Variants in TMEM219 observed in about 807,000 individuals in gnomAD.
The protein encoded by TMEM219 is transmembrane protein 219, also known as insulin-like growth factor-binding protein 3 receptor.
Under a neutral mutation model 17.9 loss-of-function variants are expected in TMEM219, and 18 were observed. That is an observed-to-expected ratio of 1.01 (90% CI 0.70 to 1.49). The LOEUF (loss-of-function observed/expected upper bound fraction) is 1.49. TMEM219 is among the 40% of genes most tolerant of loss of function. The pLI, the probability that TMEM219 is intolerant of heterozygous loss-of-function variation, is 0.00. For missense variants in TMEM219, 288 were observed against 292.4 expected, an observed-to-expected ratio of 0.99 and a Z score of 0.11; for synonymous variants, 113 against 124.0, an observed-to-expected ratio of 0.91 and a Z score of 0.59.
chr16:29,971,373 T>A, intron 4 of TMEM219, 35 bp from the exon 5 acceptor site: 1 of 1,613,452 alleles, frequency 6.2e-7, no homozygotes, highest in Non-Finnish European at 8.5e-7. Context: ...TGGATTAACA[T>A]GTCCTCCTCC....
intron 3 of TMEM219, among the ~76,000 whole-genome samples, chr16:29,966,911 C>T (rs1331793475): frequency 6.6e-6 from 1 of 151,818 alleles, no homozygotes; most frequent in Non-Finnish European, 1.5e-5. Context: ...TTTAATACAT[C>T]TGAACTTTAT....
chr16:29,963,865 A>G (rs192450438), intron 3 of TMEM219, among the ~76,000 whole-genome samples: 1 of 138,116 alleles, frequency 7.2e-6, no homozygotes, highest in Non-Finnish European at 1.5e-5. Context: ...CCTGGGTGAC[A>G]GAGCAAGACT....
intron 3 of TMEM219, among the ~76,000 whole-genome samples, chr16:29,965,367 G>T (rs558043829): frequency 6.6e-6 from 1 of 152,170 alleles, no homozygotes; most frequent in South Asian, 2.1e-4. Context: ...CTTTTAAATA[G>T]ATATATAATA....
rs374971797 is a variant in TMEM219 at position 29,970,617 on chromosome 16, C to T, written c.586-791C>T. Among the ~76,000 whole-genome samples, 274 of 152,212 alleles carry T rather than the reference C, an allele frequency of 1.8e-3. 2 individuals are homozygous for T. Among genetic ancestry groups the T allele is most frequent in the South Asian group, 5.2e-3 (25 of 4,822 alleles). On this transcript the variant is annotated intron_variant, in intron 4 of 5. Coordinates refer to ENST00000279396, the MANE Select transcript of TMEM219 (RefSeq NM_001083613.2). Reference sequence around the variant, plus strand: ...GGGATTACAGGTGTGAGCCACCGCACCCAGCCACTTATACATCTTTAAACT... The same window carrying T: ...GGGATTACAGGTGTGAGCCACCGCATCCAGCCACTTATACATCTTTAAACT...
chr16:29,967,148 T>C (rs1014886707), intron 3 of TMEM219, among the ~76,000 whole-genome samples: 1 of 152,226 alleles, frequency 6.6e-6, no homozygotes, highest in African/African-American at 2.4e-5. Context: ...CGAGTATTAG[T>C]ATGGTTGTTG....
intron 4 of TMEM219, 181 bp downstream of exon 4, chr16:29,968,435 A>C (rs1017453649): frequency 1.8e-6 from 1 of 569,024 alleles, no homozygotes; most frequent in Non-Finnish European, 3.1e-6. Context: ...CCTCATCTGT[A>C]AAACAGAAAA....
chr16:29,972,327 A>G (rs2069306533), intron 5 of TMEM219, among the ~76,000 whole-genome samples: 1 of 152,210 alleles, frequency 6.6e-6, no homozygotes, highest in East Asian at 1.9e-4. Context: ...CAAGAACTTG[A>G]CATGCACCTT....
chr16:29,964,456 C>T (rs1179415952), intron 3 of TMEM219, among the ~76,000 whole-genome samples: 3 of 151,928 alleles, frequency 2.0e-5, no homozygotes, highest in African/African-American at 7.3e-5. Context: ...GTACTCCAGC[C>T]TGGGAGACAG....
rs1434408189 is a variant in TMEM219, at chr16:29,963,536, A to G, written c.302A>G (p.Asn101Ser). The change falls in exon 3 of 6, where the codon AAC becomes AGC. Residue 101 changes from asparagine (N) to serine (S), a missense_variant. Coordinates refer to ENST00000279396, the MANE Select transcript of TMEM219 (RefSeq NM_001083613.2). ...AACTTCGGAGACGGTCCAGACAGGA[A>G]CAAGACCCGGACATTCCAGGCCACA... Reference protein sequence around the residue: ...TLNFGDGPDRNKTRTFQATVL... With the variant: ...TLNFGDGPDRSKTRTFQATVL... The G allele has an allele frequency of 1.9e-6, 3 of 1,614,018 alleles. No homozygotes were observed. Among genetic ancestry groups the G allele is most frequent in the African/African-American group, 1.3e-5 (1 of 74,906 alleles).
chr16:29,963,586 A>G lies in TMEM219; in HGVS notation c.352A>G (p.Lys118Glu). ...ATVLGSQMGL[K>E]GSSAGQLVLI... is the part of the protein sequence containing the mutation. Reference sequence around the variant, plus strand: ...AGTCCTGGGAAGTCAGATGGGATTGAAAGGTGAGATCAGAGGCTGGGTGTG... The same window carrying G: ...AGTCCTGGGAAGTCAGATGGGATTGGAAGGTGAGATCAGAGGCTGGGTGTG... Residue 118 changes from lysine (K) to glutamate (E), a missense_variant, in exon 3 of 6, where the codon AAA (lysine) becomes GAA (glutamate). Lys to Glu is a moderately conservative substitution (Grantham distance 56). Coordinates refer to ENST00000279396, the MANE Select transcript of TMEM219 (RefSeq NM_001083613.2). The G allele has an allele frequency of 5.0e-6, 8 of 1,613,546 alleles. No individual in the cohort carries two copies. Among genetic ancestry groups the G allele is most frequent in the Non-Finnish European group, 6.8e-6 (8 of 1,179,738 alleles).
rs369362636 is a variant in TMEM219 at position 29,963,522 on chromosome 16, C to T, written c.288C>T (p.Asp96=). ...TGCTGACCACCTTGAACTTCGGAGA[C>T]GGTCCAGACAGGAACAAGACCCGGA... is the stretch of plus-strand genomic sequence containing the variant. The part of the protein sequence containing the change: ...VGLLTTLNFG[D]GPDRNKTRTF... The change falls in exon 3 of 6, where the codon GAC becomes GAT. Residue 96 remains aspartate (D), a synonymous_variant. Transcript: ENST00000279396. 4.8e-5 allele frequency: 78 copies of T among 1,614,006 alleles called. 1 individual carries two copies. Among genetic ancestry groups the T allele is most frequent in the Non-Finnish European group, 6.0e-5 (71 of 1,180,038 alleles).
intron 4 of TMEM219, 139 bp downstream of exon 4, chr16:29,968,393 A>G (rs1457820510): frequency 1.5e-6 from 1 of 645,242 alleles, no homozygotes; most frequent in Non-Finnish European, 2.7e-6. Context: ...GTGACGTAGA[A>G]CAAGTGTCTA....
At chr16:29,965,316 G>A (rs1040971872) in intron 3 of TMEM219, among the ~76,000 whole-genome samples, 2 of 152,196 alleles carry the variant, frequency 1.3e-5, no homozygotes, top group Non-Finnish European at 2.9e-5. Context: ...GAATGTGTCC[G>A]ATATATGCAG....
intron 3 of TMEM219, 134 bp from the exon 4 acceptor site, chr16:29,967,891 C>T (rs896295319): frequency 2.4e-5 from 16 of 663,100 alleles, no homozygotes; most frequent in Admixed American, 8.3e-5. Flanking sequence ...TGCGCCACTG[C>T]ACTCCAGCCT....
At chr16:29,969,272 C>G (rs1007263572) in intron 4 of TMEM219, among the ~76,000 whole-genome samples, 1 of 148,090 alleles carries the variant, frequency 6.8e-6, no homozygotes, top group Non-Finnish European at 1.5e-5. Flanking sequence ...TCTCGGCTCA[C>G]TGCAAGCTCC....
chr16:29,968,097 A>ATT lies in TMEM219; in HGVS notation c.431_432dup (p.Ser145LeufsTer27), dbSNP rs759600511. 2 of 1,614,038 alleles carry ATT rather than the reference A, an allele frequency of 1.2e-6. No individual in the cohort carries two copies. Among genetic ancestry groups the ATT allele is most frequent in the Admixed American group, 3.3e-5 (2 of 60,002 alleles). ...GAAAGGACTGCAGGAACCTGCCTAT[A>ATT]TTTTAGTGCTGTTCCAGGAATCCTA... On this transcript the variant is annotated frameshift_variant, in exon 4 of 6. Transcript: ENST00000279396. LOFTEE classifies it high-confidence loss of function.
chr16:29,963,237 C>A lies in TMEM219; in HGVS notation c.94C>A (p.Leu32Ile). 6.2e-7 allele frequency: 1 copy of A among 1,614,074 alleles called. No homozygotes were observed. The highest frequency in any genetic ancestry group is 1.1e-5 in the South Asian group (1 of 91,090). ...CACTTTGATCCTGCTGCTCCTTGGCCTCTCTGGCCTGGGCCTTGGCAGCTT... is the reference window on the plus strand; with the variant it reads ...CACTTTGATCCTGCTGCTCCTTGGCATCTCTGGCCTGGGCCTTGGCAGCTT... ...CATLILLLLG[L>I]SGLGLGSFLL... The change falls in exon 2 of 6, where the codon CTC (leucine) becomes ATC (isoleucine). Residue 32 changes from leucine (L) to isoleucine (I), a missense_variant. Leu to Ile is a conservative substitution (Grantham distance 5). Coordinates refer to ENST00000279396, the MANE Select transcript of TMEM219 (RefSeq NM_001083613.2).
At chr16:29,971,914 C>G (rs1225050681) in intron 5 of TMEM219, 1 of 174,488 alleles carries the variant, frequency 5.7e-6, no homozygotes, top group Non-Finnish European at 1.2e-5. Flanking sequence ...AGAAACCCCC[C>G]ATGGTCCCTT....
At chr16:29,965,213 C>T (rs565646093) in intron 3 of TMEM219, among the ~76,000 whole-genome samples, 1 of 152,156 alleles carries the variant, frequency 6.6e-6, no homozygotes, top group South Asian at 2.1e-4. Flanking sequence ...TCCTTTACAA[C>T]ACTATCATTC....
Sources: gnomAD v4.1 joint callset for allele counts (sites outside exome capture counted in the v4.1 genomes callset) on GRCh38, gnomAD v4.1.1 for gene constraint, MANE v1.5 for transcripts, NCBI Gene and HGNC (gene_info 2026-07-23, HGNC 2026-07-21) for gene names.